The following MTHFD2L variants were observed in gnomAD, a reference collection of about 807,000 sequenced individuals.
MTHFD2L encodes methylenetetrahydrofolate dehydrogenase (NADP+ dependent) 2 like, also known as bifunctional methylenetetrahydrofolate dehydrogenase/cyclohydrolase 2, mitochondrial.
Under a neutral mutation model 34.9 loss-of-function variants are expected in MTHFD2L, and 29 were observed. The ratio of observed to expected loss-of-function variants is 0.83; its 90% CI spans 0.62 to 1.13. The LOEUF (loss-of-function observed/expected upper bound fraction) is 1.13, where lower values mean the gene tolerates loss of function less well. MTHFD2L is among the 50% of genes most tolerant of loss of function. The pLI is 0.00. For missense variants in MTHFD2L, 481 were observed against 446.5 expected, an observed-to-expected ratio of 1.08 and a Z score of -0.70; for synonymous variants, 167 against 155.7, an observed-to-expected ratio of 1.07 and a Z score of -0.54.
At chr4:74,241,942 G>A (rs997826567) in intron 6 of MTHFD2L, 2 of 154,492 alleles carry the variant, frequency 1.3e-5, no homozygotes, top group African/African-American at 4.8e-5. Context: ...CAAAATTAGC[G>A]GTTTCCGGGA....
intron 7 of MTHFD2L, among the ~76,000 whole-genome samples, chr4:74,285,785 G>A (rs539166167): frequency 6.6e-6 from 1 of 152,208 alleles, no homozygotes; most frequent in South Asian, 2.1e-4. Context: ...ACTGAGCACT[G>A]CTTGTATTTT....
chr4:74,275,930 G>C (rs923886145), intron 6 of MTHFD2L, among the ~76,000 whole-genome samples: 2 of 152,056 alleles, frequency 1.3e-5, no homozygotes, highest in Non-Finnish European at 2.9e-5. Flanking sequence ...TTCTTTTGCT[G>C]TGCAGAAGCA....
intron 1 of MTHFD2L, among the ~76,000 whole-genome samples, chr4:74,150,055 G>A (rs529534633): frequency 1.9e-4 from 29 of 152,212 alleles, no homozygotes; most frequent in Non-Finnish European, 3.5e-4. Context: ...GAGGGATTTC[G>A]ACATTCTTGG....
chr4:74,214,369 G>A lies in MTHFD2L; in HGVS notation c.713-10933G>A, dbSNP rs904074812. Among the ~76,000 whole-genome samples the A allele has an allele frequency of 6.6e-5, 10 of 151,784 alleles. 1 individual carries two copies. The highest frequency in any genetic ancestry group is 2.4e-4 in the African/African-American group (10 of 41,064). ...GATTTATTTACCTTTGGTCTTTGAT[G>A]TTGGTGTCCTTCGGATGGGGTTTTT... On this transcript the variant is annotated intron_variant, in intron 5 of 7. Transcript: ENST00000325278.
chr4:74,266,744 C>G, intron 6 of MTHFD2L: 1 of 515,326 alleles, frequency 1.9e-6, no homozygotes, highest in Non-Finnish European at 2.5e-6. Flanking sequence ...GTCTCCACTT[C>G]TCTCCTGTCT....
At chr4:74,290,684 C>T (rs996441319) in intron 7 of MTHFD2L, among the ~76,000 whole-genome samples, 9 of 151,794 alleles carry the variant, frequency 5.9e-5, no homozygotes, top group Non-Finnish European at 1.3e-4. Context: ...ACATTGCTCA[C>T]GTTTTCTCTC....
At chr4:74,300,667 A>G (rs1210508316) in intron 7 of MTHFD2L, among the ~76,000 whole-genome samples, 1 of 152,088 alleles carries the variant, frequency 6.6e-6, no homozygotes, top group African/African-American at 2.4e-5. Flanking sequence ...TTCACCTTTC[A>G]TACTGTGGGT....
intron 6 of MTHFD2L, among the ~76,000 whole-genome samples, chr4:74,250,315 C>A (rs1211376350): frequency 1.3e-5 from 2 of 152,124 alleles, no homozygotes; most frequent in Non-Finnish European, 2.9e-5. Context: ...TAATTCATGT[C>A]TCTGTTTAAA....
chr4:74,128,322 G>A (rs1427038048), intron 1 of MTHFD2L, among the ~76,000 whole-genome samples: 1 of 151,992 alleles, frequency 6.6e-6, no homozygotes, highest in Non-Finnish European at 1.5e-5. Context: ...TTTCCCCAAT[G>A]TTTTCTTCTA....
chr4:74,272,501 C>G (rs1746121941), intron 6 of MTHFD2L, among the ~76,000 whole-genome samples: 1 of 152,092 alleles, frequency 6.6e-6, no homozygotes, highest in Non-Finnish European at 1.5e-5. Flanking sequence ...TTACATCCTT[C>G]ATTTTTTCCC....
At chr4:74,240,617 CAA>C (rs1741567409) in intron 6 of MTHFD2L, among the ~76,000 whole-genome samples, 1 of 151,948 alleles carries the variant, frequency 6.6e-6, no homozygotes, top group Non-Finnish European at 1.5e-5. Context: ...AAACAGAAAA[CAA>C]AGATAGAATT....
intron 1 of MTHFD2L, among the ~76,000 whole-genome samples, chr4:74,142,597 A>G (rs1306367219): frequency 6.6e-6 from 1 of 152,240 alleles, no homozygotes; most frequent in Non-Finnish European, 1.5e-5. Flanking sequence ...TTTTAGCAGC[A>G]CAAACTAAGA....
intron 7 of MTHFD2L, among the ~76,000 whole-genome samples, chr4:74,284,518 G>A (rs999969779): frequency 1.3e-5 from 2 of 151,638 alleles, no homozygotes; most frequent in African/African-American, 4.8e-5. Context: ...CCCACTTGTT[G>A]ATGGGGTTGT....
At chr4:74,220,678 A>G (rs541322795) in intron 5 of MTHFD2L, among the ~76,000 whole-genome samples, 1 of 151,770 alleles carries the variant, frequency 6.6e-6, no homozygotes, top group Non-Finnish European at 1.5e-5. Flanking sequence ...TAAGTATTTT[A>G]TCTTTTGTAC....
intron 3 of MTHFD2L, among the ~76,000 whole-genome samples, chr4:74,196,477 A>G (rs1733484133): frequency 6.6e-6 from 1 of 152,210 alleles, no homozygotes; most frequent in Admixed American, 6.5e-5. Context: ...CACAATGTTT[A>G]CTATACGGAT....
intron 1 of MTHFD2L, among the ~76,000 whole-genome samples, chr4:74,127,108 C>G (rs530575081): frequency 2.0e-5 from 3 of 148,864 alleles, no homozygotes; most frequent in African/African-American, 7.8e-5. Flanking sequence ...GAGGCCTCCC[C>G]GGCCCTGCCG....
chr4:74,266,791 G>A (rs918172774), intron 6 of MTHFD2L: 93 of 931,388 alleles, frequency 1.0e-4, no homozygotes, highest in Non-Finnish European at 1.2e-4. Flanking sequence ...GAATGCCTTA[G>A]CTGCTGCTAG....
intron 6 of MTHFD2L, among the ~76,000 whole-genome samples, chr4:74,253,764 CA>C (rs905117721): frequency 5.3e-5 from 8 of 152,148 alleles, no homozygotes; most frequent in African/African-American, 1.7e-4. Context: ...ACCTAGGCTT[CA>C]AACTACCCCA....
chr4:74,168,153 A>G (rs1453465435), intron 1 of MTHFD2L, among the ~76,000 whole-genome samples: 1 of 152,174 alleles, frequency 6.6e-6, no homozygotes, highest in African/African-American at 2.4e-5. Context: ...CAAAATCTCT[A>G]AATGGCTTCG....
Sources: allele counts gnomAD v4.1 joint callset (sites outside exome capture counted in the v4.1 genomes callset), GRCh38; gene constraint gnomAD v4.1.1; transcripts MANE v1.5; gene names NCBI Gene and HGNC (gene_info 2026-07-23, HGNC 2026-07-21).